ZDHHC7: variants seen among roughly 807,000 people sequenced by gnomAD.
The protein encoded by ZDHHC7 is zDHHC palmitoyltransferase 7.
Under a neutral mutation model 34.1 loss-of-function variants are expected in ZDHHC7, and 12 were observed. The ratio of observed to expected loss-of-function variants is 0.35; its 90% CI spans 0.23 to 0.57. ZDHHC7 has a LOEUF of 0.57. Among genes scored for constraint, ZDHHC7 ranks in the 20% least tolerant of loss-of-function variants. The pLI is 0.84. For synonymous variants in ZDHHC7, 185 were observed against 155.4 expected, an observed-to-expected ratio of 1.19 and a Z score of -1.42; for missense variants, 388 against 402.7, an observed-to-expected ratio of 0.96 and a Z score of 0.31.
the ZDHHC7 span, among the ~76,000 whole-genome samples, chr16:85,023,681 C>T: frequency 6.6e-6 from 1 of 152,156 alleles, no homozygotes; most frequent in Non-Finnish European, 1.5e-5. Context: ...TGCAGCGGCA[C>T]AATCTTGGCT....
chr16:84,993,251 G>A (rs1282029935), intron 2 of ZDHHC7, among the ~76,000 whole-genome samples: 2 of 152,118 alleles, frequency 1.3e-5, no homozygotes, highest in East Asian at 1.9e-4. Flanking sequence ...AGCCTGGGAG[G>A]TGGAGGCTGC....
intron 5 of ZDHHC7, among the ~76,000 whole-genome samples, chr16:84,978,505 G>A (rs890757267): frequency 1.3e-5 from 2 of 152,116 alleles, no homozygotes; most frequent in African/African-American, 4.8e-5. Flanking sequence ...AGGCCAAGAC[G>A]GGCAGATGGC....
chr16:85,021,395 A>G, the ZDHHC7 span, among the ~76,000 whole-genome samples: 4 of 114,062 alleles, frequency 3.5e-5, no homozygotes, highest in African/African-American at 1.5e-4. Flanking sequence ...CTGGTGACAG[A>G]GCGAGACTCC....
At chr16:85,000,741 G>C (rs2072642149) in intron 1 of ZDHHC7, among the ~76,000 whole-genome samples, 1 of 152,160 alleles carries the variant, frequency 6.6e-6, no homozygotes, top group African/African-American at 2.4e-5. Context: ...GGAGTTGGGG[G>C]GTGAGCATCC....
chr16:84,992,380 G>A (rs1187450717), intron 2 of ZDHHC7, among the ~76,000 whole-genome samples: 2 of 148,610 alleles, frequency 1.3e-5, no homozygotes, highest in East Asian at 4.0e-4. Flanking sequence ...GGCTGAGGCA[G>A]GAGAACTGCT....
At chr16:84,998,166 A>C (rs2072607042) in intron 1 of ZDHHC7, among the ~76,000 whole-genome samples, 1 of 151,328 alleles carries the variant, frequency 6.6e-6, no homozygotes, top group South Asian at 2.1e-4. Context: ...CGGGAGGCTG[A>C]GACAGGAGAA....
rs147598056 is a variant in ZDHHC7 at position 84,984,754 on chromosome 16, T to G, written c.316-2760A>C. 2.6e-5 allele frequency among the ~76,000 whole-genome samples: 4 copies of G among 152,246 alleles called. No individual in the cohort carries two copies. The East Asian group carries it at 7.7e-4, about 29-fold the overall frequency. The stretch of plus-strand genomic sequence containing the variant: ...TCAGTGAAACTCTTCACGGGCATGG[T>G]GTCCTGGGGGTTTCAAGGAGGGGTT... On this transcript the variant is annotated intron_variant, in intron 3 of 7. Transcript: ENST00000313732.
chr16:85,002,446 G>A (rs1052669600), intron 1 of ZDHHC7, among the ~76,000 whole-genome samples: 5 of 152,266 alleles, frequency 3.3e-5, no homozygotes, highest in Admixed American at 2.6e-4. Context: ...CCCTCTAACT[G>A]CATCACCCAA....
intron 2 of ZDHHC7, among the ~76,000 whole-genome samples, chr16:84,990,940 T>C (rs1486100285): frequency 6.6e-6 from 1 of 152,190 alleles, no homozygotes; most frequent in Non-Finnish European, 1.5e-5. Context: ...GTCCCAGCAC[T>C]GGGTTCCCCG....
At chr16:85,027,574 G>A in the ZDHHC7 span, among the ~76,000 whole-genome samples, 1 of 152,352 alleles carries the variant, frequency 6.6e-6, no homozygotes, top group Admixed American at 6.5e-5. Flanking sequence ...GCCAGCAAGG[G>A]GGCGCCGGGC....
At position 85,011,503 on chromosome 16, in the gene ZDHHC7, G is replaced by C. The variant is rs1162502777; in HGVS notation, c.-321C>G. ...GCAAATGCCTCAGCCCGGAGCCTTG[G>C]CTGGAGAGCGGGGCGGTGCGAGCGC... On this transcript the variant is annotated 5_prime_UTR_variant, in exon 1 of 8. Transcript: ENST00000313732. 2 of 152,256 alleles carry C rather than the reference G, an allele frequency of 1.3e-5. No homozygotes were observed. Among genetic ancestry groups the C allele is most frequent in the Non-Finnish European group, 1.5e-5 (1 of 68,064 alleles). The allele number at this position is 152,256 out of a possible 1,614,324, so 9.4% of individuals were successfully genotyped here.
At chr16:85,001,470 C>CAAAAAAAAAACAAAA (rs2072651954) in intron 1 of ZDHHC7, among the ~76,000 whole-genome samples, 1 of 95,392 alleles carries the variant, frequency 1.0e-5, no homozygotes, top group African/African-American at 5.1e-5. Flanking sequence ...GACCCTGTCT[C>CAAAAAAAAAACAAAA]AAAAAAAAAA....
intron 1 of ZDHHC7, among the ~76,000 whole-genome samples, chr16:85,000,388 C>T (rs1404468318): frequency 6.6e-6 from 1 of 152,132 alleles, no homozygotes; most frequent in Admixed American, 6.6e-5. Flanking sequence ...TTAAGCTCTT[C>T]GCCTTTACTT....
upstream of ZDHHC7, among the ~76,000 whole-genome samples, chr16:85,012,512 C>T (rs1597571827): frequency 2.0e-5 from 3 of 151,910 alleles, no homozygotes; most frequent in African/African-American, 7.2e-5. Context: ...CACTAGAGCT[C>T]TAGATAGCTT....
chr16:84,998,181 G>C (rs951820476), intron 1 of ZDHHC7, among the ~76,000 whole-genome samples: 4 of 148,936 alleles, frequency 2.7e-5, no homozygotes, highest in African/African-American at 9.9e-5. Flanking sequence ...GGAGAACGGC[G>C]CGAACCCGGG....
At chr16:85,014,360 T>G (rs142198625), upstream of ZDHHC7, among the ~76,000 whole-genome samples, 1 of 152,226 alleles carries the variant, frequency 6.6e-6, no homozygotes, top group African/African-American at 2.4e-5. Flanking sequence ...GCAGGCTTAA[T>G]GCACAGTTAC....
At chr16:84,994,718 G>A (rs566851526) in intron 2 of ZDHHC7, among the ~76,000 whole-genome samples, 3 of 152,312 alleles carry the variant, frequency 2.0e-5, no homozygotes, top group South Asian at 2.1e-4. Context: ...ATGGCAGGAC[G>A]TTCCTATAAG....
At chr16:85,000,243 G>C (rs1184107148) in intron 1 of ZDHHC7, among the ~76,000 whole-genome samples, 1 of 152,194 alleles carries the variant, frequency 6.6e-6, no homozygotes, top group African/African-American at 2.4e-5. Context: ...TGTACGGCCG[G>C]TGTGATAGTG....
At chr16:84,978,076 T>C (rs1370524966) in intron 5 of ZDHHC7, 71 bp from the exon 6 acceptor site, 7 of 1,300,648 alleles carry the variant, frequency 5.4e-6, no homozygotes, top group Non-Finnish European at 7.6e-6. Context: ...CTCCCTCTGT[T>C]GTCCAGGCTG....
Sources: gnomAD v4.1 joint callset for allele counts (sites outside exome capture counted in the v4.1 genomes callset) on GRCh38, gnomAD v4.1.1 for gene constraint, MANE v1.5 for transcripts, NCBI Gene and HGNC (gene_info 2026-07-23, HGNC 2026-07-21) for gene names.